Variants in PDS5B observed in about 807,000 individuals in gnomAD.
PDS5B encodes PDS5 cohesin associated factor B.
Under a neutral mutation model 184.1 loss-of-function variants are expected in PDS5B, and 51 were observed. The ratio of observed to expected loss-of-function variants is 0.28; its 90% CI spans 0.22 to 0.35. The LOEUF (loss-of-function observed/expected upper bound fraction) is 0.35, where lower values mean the gene tolerates loss of function less well. PDS5B is among the 10% of genes least tolerant of loss of function. The pLI, the probability that PDS5B is intolerant of heterozygous loss-of-function variation, is 1.00. For missense variants in PDS5B, 1,180 were observed against 1,723.3 expected (o/e 0.68, Z 5.58); for synonymous variants, 566 against 569.2 (o/e 0.99, Z 0.08).
chr13:32,676,918 G>A (rs1267797737), intron 9 of PDS5B, among the ~76,000 whole-genome samples: 2 of 117,952 alleles, frequency 1.7e-5, no homozygotes, highest in Non-Finnish European at 3.3e-5. Context: ...GCGACAGAGC[G>A]AGACTCTTGT....
intron 1 of PDS5B, among the ~76,000 whole-genome samples, chr13:32,621,203 C>A (rs775718114): frequency 6.6e-6 from 1 of 152,240 alleles, no homozygotes; most frequent in South Asian, 2.1e-4. Context: ...GTGGCTCACG[C>A]CTGTAATCCC....
chr13:32,739,513 A>G (rs757628850), intron 21 of PDS5B, among the ~76,000 whole-genome samples: 44 of 152,186 alleles, frequency 2.9e-4, no homozygotes, highest in Non-Finnish European at 1.5e-4. Flanking sequence ...TTTCTTGCTA[A>G]ATTCTAATTT....
intron 19 of PDS5B, among the ~76,000 whole-genome samples, chr13:32,730,009 A>T (rs1203673164): frequency 1.3e-5 from 2 of 152,242 alleles, no homozygotes; most frequent in East Asian, 3.9e-4. Flanking sequence ...TTAGTCATGA[A>T]GTCTTTGCCC....
intron 2 of PDS5B, chr13:32,649,818 A>T (rs1437631860): frequency 6.6e-6 from 1 of 152,194 alleles, no homozygotes; most frequent in Non-Finnish European, 1.5e-5. Context: ...ATCTTTGAGC[A>T]GATTAAATTT....
chr13:32,667,518 C>A (rs1950833363), intron 6 of PDS5B, among the ~76,000 whole-genome samples: 1 of 152,024 alleles, frequency 6.6e-6, no homozygotes, highest in Non-Finnish European at 1.5e-5. Flanking sequence ...TTGACCATTT[C>A]TGTGTGGTTT....
chr13:32,653,521 A>G (rs779781030), intron 3 of PDS5B, among the ~76,000 whole-genome samples: 1 of 152,172 alleles, frequency 6.6e-6, no homozygotes, highest in African/African-American at 2.4e-5. Context: ...TGCTTATTTG[A>G]TCAAGTCTAC....
At chr13:32,684,542 C>T (rs1951333280) in intron 11 of PDS5B, among the ~76,000 whole-genome samples, 1 of 152,188 alleles carries the variant, frequency 6.6e-6, no homozygotes, top group Admixed American at 6.5e-5. Context: ...AATGAGTACC[C>T]ACTAGCTCCA....
intron 1 of PDS5B, among the ~76,000 whole-genome samples, chr13:32,624,271 T>C (rs2058341859): frequency 1.3e-5 from 2 of 152,138 alleles, no homozygotes; most frequent in African/African-American, 4.8e-5. Flanking sequence ...TTTCTTTTAC[T>C]AAGATATCAG....
Position 32,770,352 on chromosome 13 carries a change from A to G in PDS5B, c.3856A>G (p.Lys1286Glu), listed in dbSNP as rs773633929. The G allele has an allele frequency of 3.7e-6, 6 of 1,613,846 alleles. No individual in the cohort carries two copies. Among genetic ancestry groups the G allele is most frequent in the East Asian group, 2.2e-5 (1 of 44,870 alleles). The change falls in exon 32 of 35, where the codon AAA becomes GAA. Residue 1286 changes from lysine (K) to glutamate (E), a missense_variant. Lys to Glu is a moderately conservative substitution (Grantham distance 56). Transcript: ENST00000315596. ...TGAAGATGAACAGAATAGTCCGCCA[A>G]AAAAGGGTAAAAGAGGCCGACCACC... is the stretch of plus-strand genomic sequence containing the variant. ...ENEDEQNSPP[K>E]KGKRGRPPKP...
chr13:32,634,114 A>T lies in PDS5B; in HGVS notation c.-19-14640A>T, dbSNP rs931178305. ...TTCAGTGAGCCTCTTGCAGTCCCTC[A>T]TAGATTCCTGCAGTCTTCCTGTGTT... On this transcript the variant is annotated intron_variant, in intron 1 of 34. Transcript: ENST00000315596. Among the ~76,000 whole-genome samples the T allele has an allele frequency of 3.9e-5, 6 of 152,110 alleles. 1 individual carries two copies. In the East Asian group the frequency reaches 5.8e-4, roughly 15 times the overall value.
At chr13:32,730,665 C>A (rs1238496544) in intron 19 of PDS5B, among the ~76,000 whole-genome samples, 1 of 152,034 alleles carries the variant, frequency 6.6e-6, no homozygotes, top group Admixed American at 6.6e-5. Flanking sequence ...CCTTCCCATC[C>A]CTTGTAAGTT....
At chr13:32,694,423 T>C in intron 14 of PDS5B, 119 bp downstream of exon 14, 1 of 698,152 alleles carries the variant, frequency 1.4e-6, no homozygotes, top group Non-Finnish European at 2.5e-6. Context: ...ATTGTAGAAG[T>C]TAGGATTCCT....
chr13:32,758,408 T>C, intron 27 of PDS5B, 126 bp from the exon 28 acceptor site: 1 of 1,040,352 alleles, frequency 9.6e-7, no homozygotes, highest in Middle Eastern at 3.2e-4. Context: ...GCTAAGATGC[T>C]TACACAGACT....
At chr13:32,606,016 T>G (rs2058055066) in intron 1 of PDS5B, among the ~76,000 whole-genome samples, 1 of 152,222 alleles carries the variant, frequency 6.6e-6, no homozygotes, top group Admixed American at 6.5e-5. Flanking sequence ...CTTGACTCTT[T>G]ATCCAATTTG....
intron 1 of PDS5B, among the ~76,000 whole-genome samples, chr13:32,628,836 G>A (rs2058411527): frequency 6.6e-6 from 1 of 150,966 alleles, no homozygotes; most frequent in Non-Finnish European, 1.5e-5. Flanking sequence ...CACACTTCAT[G>A]TAGCTGTTGT....
intron 3 of PDS5B, among the ~76,000 whole-genome samples, chr13:32,653,340 C>T (rs1402108142): frequency 1.3e-5 from 2 of 151,954 alleles, no homozygotes; most frequent in Non-Finnish European, 2.9e-5. Context: ...AGAATGAGTC[C>T]ATAGAAAGAT....
chr13:32,741,808 G>A (rs1269506063), intron 22 of PDS5B, among the ~76,000 whole-genome samples: 1 of 150,576 alleles, frequency 6.6e-6, no homozygotes, highest in Admixed American at 6.7e-5. Flanking sequence ...TATGATACTA[G>A]TTTTGCAGAC....
intron 23 of PDS5B, among the ~76,000 whole-genome samples, chr13:32,744,613 A>G (rs759746295): frequency 6.6e-6 from 1 of 152,216 alleles, no homozygotes; most frequent in Non-Finnish European, 1.5e-5. Context: ...TTTTAAGGAT[A>G]GATAACACAG....
intron 3 of PDS5B, among the ~76,000 whole-genome samples, chr13:32,653,684 A>G (rs73448643): frequency 0.01 from 1,588 of 152,326 alleles, 39 homozygotes; most frequent in African/African-American, 0.036. Context: ...TCGGAGACTT[A>G]AAGTAGATAA....
Sources: gnomAD v4.1 joint callset for allele counts (sites outside exome capture counted in the v4.1 genomes callset) on GRCh38, gnomAD v4.1.1 for gene constraint, MANE v1.5 for transcripts, NCBI Gene and HGNC (gene_info 2026-07-23, HGNC 2026-07-21) for gene names.